SPPL3: variants seen among roughly 807,000 people sequenced by gnomAD.
The protein encoded by SPPL3 is signal peptide peptidase-like 3.
A neutral mutation model predicts 42.4 loss-of-function variants in SPPL3; 5 were observed. The ratio of observed to expected loss-of-function variants is 0.12; its 90% CI spans 0.06 to 0.25. SPPL3 has a LOEUF of 0.25. Ranked by LOEUF, SPPL3 falls within the 10% of genes least tolerant of loss-of-function variation. SPPL3 has a pLI of 1.00. For synonymous variants in SPPL3, 195 were observed against 181.8 expected (o/e 1.07, Z -0.58); for missense variants, 235 against 489.0 (o/e 0.48, Z 4.90).
At chr12:120,780,866 C>CA (rs1234948598) in intron 6 of SPPL3, among the ~76,000 whole-genome samples, 4 of 151,382 alleles carry the variant, frequency 2.6e-5, no homozygotes, top group Admixed American at 2.0e-4. Flanking sequence ...GCCAAGATCA[C>CA]ACCATTGCAC....
intron 1 of SPPL3, among the ~76,000 whole-genome samples, chr12:120,824,663 TG>T (rs976586555): frequency 1.3e-5 from 2 of 152,164 alleles, no homozygotes; most frequent in African/African-American, 4.8e-5. Flanking sequence ...CCTAAGTAGC[TG>T]GGGAGACAGG....
At chr12:120,853,436 G>A (rs1216631576) in intron 1 of SPPL3, among the ~76,000 whole-genome samples, 3 of 152,228 alleles carry the variant, frequency 2.0e-5, no homozygotes, top group African/African-American at 4.8e-5. Context: ...GACACCAAAC[G>A]TAAAATTTTT....
At chr12:120,880,136 A>C (rs1396228549) in intron 1 of SPPL3, among the ~76,000 whole-genome samples, 2 of 152,154 alleles carry the variant, frequency 1.3e-5, no homozygotes, top group South Asian at 2.1e-4. Context: ...TGAAAAAAAA[A>C]CACTGGGGCT....
intron 1 of SPPL3, among the ~76,000 whole-genome samples, chr12:120,842,224 G>A (rs931861400): frequency 3.3e-5 from 5 of 152,156 alleles, no homozygotes; most frequent in African/African-American, 9.7e-5. Context: ...TAAGAAGAGG[G>A]AACACAGTTA....
chr12:120,844,150 A>G (rs973501181), intron 1 of SPPL3, among the ~76,000 whole-genome samples: 1 of 152,036 alleles, frequency 6.6e-6, no homozygotes, highest in Non-Finnish European at 1.5e-5. Flanking sequence ...AGAACTCTCG[A>G]TTTTTCTCAA....
chr12:120,868,911 A>G (rs984062753), intron 1 of SPPL3, among the ~76,000 whole-genome samples: 1 of 152,210 alleles, frequency 6.6e-6, no homozygotes, highest in Non-Finnish European at 1.5e-5. Flanking sequence ...AGCGACTGCT[A>G]TAATTCAGTC....
At chr12:120,798,881 A>C (rs1870196431) in intron 2 of SPPL3, among the ~76,000 whole-genome samples, 1 of 152,036 alleles carries the variant, frequency 6.6e-6, no homozygotes, top group Non-Finnish European at 1.5e-5. Flanking sequence ...CTTTGGTTTA[A>C]CCCTAGGCAC....
At chr12:120,788,902 G>C (rs1869812691) in intron 3 of SPPL3, among the ~76,000 whole-genome samples, 1 of 151,978 alleles carries the variant, frequency 6.6e-6, no homozygotes, top group South Asian at 2.1e-4. Flanking sequence ...TCATCTTTCT[G>C]GCTATTATTT....
At chr12:120,825,011 C>T (rs768039182) in intron 1 of SPPL3, among the ~76,000 whole-genome samples, 11 of 152,032 alleles carry the variant, frequency 7.2e-5, no homozygotes, top group South Asian at 2.1e-4. Context: ...CCCCCACCCC[C>T]AGTCCCTTTC....
chr12:120,805,256 T>C (rs752024490), intron 2 of SPPL3, among the ~76,000 whole-genome samples: 1 of 152,310 alleles, frequency 6.6e-6, no homozygotes, highest in East Asian at 1.9e-4. Context: ...TGTTAAAATA[T>C]ACTATATAAA....
intron 1 of SPPL3, among the ~76,000 whole-genome samples, chr12:120,836,980 C>G (rs1036267031): frequency 1.6e-5 from 2 of 128,764 alleles, no homozygotes; most frequent in Admixed American, 1.8e-4. Flanking sequence ...AGCACATGAG[C>G]TCTCTGCATT....
Position 120,811,029 on chromosome 12 carries a change from T to G in SPPL3, c.24-143A>C, listed in dbSNP as rs192579515. 798 of 527,122 alleles carry G rather than the reference T, an allele frequency of 1.5e-3. 2 individuals carry two copies. Among genetic ancestry groups the G allele is most frequent in the Non-Finnish European group, 2.4e-3 (705 of 299,488 alleles). The allele number at this position is 527,122 out of a possible 1,614,324, so 32.7% of individuals were successfully genotyped here. Reference sequence around the variant, plus strand: ...AAGGTATAAATTAGCATTAACAAAATAACACAATTAAAATGAGATTTGCTA... The same window carrying G: ...AAGGTATAAATTAGCATTAACAAAAGAACACAATTAAAATGAGATTTGCTA... On this transcript the variant is annotated intron_variant, in intron 1 of 10. Coordinates refer to ENST00000353487, the MANE Select transcript of SPPL3 (RefSeq NM_139015.5).
At chr12:120,800,010 A>G (rs890096990) in intron 2 of SPPL3, among the ~76,000 whole-genome samples, 13 of 152,240 alleles carry the variant, frequency 8.5e-5, no homozygotes, top group African/African-American at 3.1e-4. Flanking sequence ...TATTAAGTGC[A>G]TAGACATCAG....
intron 2 of SPPL3, among the ~76,000 whole-genome samples, chr12:120,805,203 C>CT (rs1870447260): frequency 6.6e-6 from 1 of 152,142 alleles, no homozygotes; most frequent in African/African-American, 2.4e-5. Flanking sequence ...GAATTGTATA[C>CT]TTTAAGTGAC....
chr12:120,856,962 G>C (rs1045657973), intron 1 of SPPL3, among the ~76,000 whole-genome samples: 2 of 152,204 alleles, frequency 1.3e-5, no homozygotes, highest in African/African-American at 4.8e-5. Flanking sequence ...AGGGGATGGA[G>C]TGATAGGGAC....
At chr12:120,891,068 C>A (rs569776461) in intron 1 of SPPL3, among the ~76,000 whole-genome samples, 2 of 152,334 alleles carry the variant, frequency 1.3e-5, no homozygotes, top group East Asian at 3.9e-4. Context: ...TAGCTGCCTC[C>A]TTTTTCCACT....
chr12:120,783,591 T>C, intron 5 of SPPL3, 83 bp downstream of exon 5: 1 of 1,293,716 alleles, frequency 7.7e-7, no homozygotes, highest in Non-Finnish European at 1.1e-6. Flanking sequence ...ATAACAGAAA[T>C]TGAGAATCCT....
chr12:120,903,113 G>T (rs1317880225), intron 1 of SPPL3, among the ~76,000 whole-genome samples: 4 of 152,126 alleles, frequency 2.6e-5, no homozygotes, highest in African/African-American at 9.7e-5. Context: ...GGCCCTGGGC[G>T]CCATTCCTCT....
chr12:120,784,221 T>G (rs985379917), intron 4 of SPPL3: 2 of 316,984 alleles, frequency 6.3e-6, no homozygotes, highest in Non-Finnish European at 1.2e-5. Context: ...TCTGGTGTCA[T>G]AGAATTCCTG....
Sources: allele counts gnomAD v4.1 joint callset (sites outside exome capture counted in the v4.1 genomes callset), GRCh38; gene constraint gnomAD v4.1.1; transcripts MANE v1.5; gene names NCBI Gene and HGNC (gene_info 2026-07-23, HGNC 2026-07-21).